The following TTC23L variants were observed in gnomAD, a reference collection of about 807,000 sequenced individuals.
TTC23L encodes tetratricopeptide repeat domain 23 like.
TTC23L carries 42 observed loss-of-function variants against 48.1 expected under a neutral mutation model. That is an observed-to-expected ratio of 0.87 (90% CI 0.68 to 1.13). The LOEUF (loss-of-function observed/expected upper bound fraction) is 1.13, where lower values mean the gene tolerates loss of function less well. Ranked by LOEUF, TTC23L falls within the 50% of genes most tolerant of loss-of-function variation. The probability of loss-of-function intolerance (pLI) is 0.00; values close to 1 mark genes in which losing one functional copy is unlikely to be tolerated. For synonymous variants in TTC23L, 159 were observed against 157.2 expected (o/e 1.01, Z -0.09); for missense variants, 391 against 421.0 (o/e 0.93, Z 0.62).
At chr5:34,840,789 C>T (rs769681264) in intron 2 of TTC23L, 50 bp downstream of exon 2, 2 of 1,556,640 alleles carry the variant, frequency 1.3e-6, no homozygotes, top group Admixed American at 3.3e-5. Flanking sequence ...GGCTGAAACA[C>T]TGGGACCTCC....
chr5:34,873,463 A>G (rs1580461076), intron 8 of TTC23L, among the ~76,000 whole-genome samples: 1 of 152,192 alleles, frequency 6.6e-6, no homozygotes, highest in Admixed American at 6.5e-5. Flanking sequence ...AGGTCGGTCC[A>G]TGAGAATTGC....
At chr5:34,851,559 G>A (rs186332901) in intron 4 of TTC23L, among the ~76,000 whole-genome samples, 82 of 152,262 alleles carry the variant, frequency 5.4e-4, no homozygotes, top group African/African-American at 1.9e-3. Flanking sequence ...TTAAGAACAC[G>A]TGTTGTGTTC....
chr5:34,883,123 A>C (rs1490311082), intron 9 of TTC23L: 3 of 152,406 alleles, frequency 2.0e-5, no homozygotes, highest in African/African-American at 7.2e-5. Flanking sequence ...TTTAGAAAAC[A>C]TGAAGATGTT....
chr5:34,918,186 T>A, the TTC23L span: 1 of 424,628 alleles, frequency 2.4e-6, no homozygotes, highest in Non-Finnish European at 4.3e-6. Context: ...GGCACATGCC[T>A]GTAGTCTCCA....
exon 10 of TTC23L, chr5:34,896,812 TG>T: frequency 1.3e-6 from 1 of 754,312 alleles, no homozygotes; most frequent in South Asian, 1.4e-5. Flanking sequence ...AAGCCATTCC[TG>T]GAAGAAGGAA....
intron 4 of TTC23L, among the ~76,000 whole-genome samples, chr5:34,855,865 A>C (rs1760088577): frequency 6.6e-6 from 1 of 152,214 alleles, no homozygotes; most frequent in African/African-American, 2.4e-5. Flanking sequence ...AGAATGAAAC[A>C]AAAAAAGTTA....
chr5:34,862,906 G>C, exon 5 of TTC23L: 1 of 1,613,882 alleles, frequency 6.2e-7, no homozygotes, highest in Non-Finnish European at 8.5e-7. Flanking sequence ...AGGCCTCCCA[G>C]TTCAGGCCAA....
At chr5:34,844,848 G>A (rs189911336) in intron 2 of TTC23L, among the ~76,000 whole-genome samples, 9 of 152,178 alleles carry the variant, frequency 5.9e-5, no homozygotes, top group South Asian at 2.1e-4. Context: ...TTGATGTAGC[G>A]TGGGGTTCCC....
the TTC23L span, chr5:34,914,694 C>T: frequency 6.2e-7 from 1 of 1,614,160 alleles, no homozygotes; most frequent in South Asian, 1.1e-5. Flanking sequence ...TACTTCCATA[C>T]CTGAATAAAA....
At chr5:34,839,760 G>T (rs549327359) in intron 1 of TTC23L, 469 of 632,554 alleles carry the variant, frequency 7.4e-4, no homozygotes, top group Non-Finnish European at 8.8e-4. Context: ...GTTCGATTTG[G>T]GTTTGATTTA....
intron 4 of TTC23L, among the ~76,000 whole-genome samples, chr5:34,859,840 CTTTTTTTT>C (rs10590697): frequency 4.9e-4 from 47 of 95,352 alleles, no homozygotes; most frequent in African/African-American, 1.4e-3. Context: ...TTTTCTTCTT[CTTTTTTTT>C]TTTTTTTTTT....
the TTC23L span, chr5:34,915,057 A>C: frequency 9.0e-6 from 6 of 667,382 alleles, no homozygotes; most frequent in Non-Finnish European, 1.0e-5. Context: ...GAGGCTGAAC[A>C]CGGCTGACCA....
downstream of TTC23L, among the ~76,000 whole-genome samples, chr5:34,903,886 C>G (rs1405544271): frequency 6.6e-6 from 1 of 152,078 alleles, no homozygotes; most frequent in Non-Finnish European, 1.5e-5. Context: ...TTCCAACAAT[C>G]TCTGTACCAA....
the TTC23L span, chr5:34,914,940 T>A: frequency 1.4e-5 from 22 of 1,601,980 alleles, no homozygotes; most frequent in South Asian, 2.3e-4. Context: ...GGCCAACAAC[T>A]TCTCGGCGGA....
downstream of TTC23L, among the ~76,000 whole-genome samples, chr5:34,902,696 G>A (rs118170719): frequency 1.6e-3 from 246 of 152,164 alleles, 2 homozygotes; most frequent in East Asian, 0.027. Context: ...GGCAGTTGCC[G>A]ACTAACTCCC....
At chr5:34,880,733 G>A in intron 9 of TTC23L, 1 of 308,558 alleles carries the variant, frequency 3.2e-6, no homozygotes, top group Non-Finnish European at 6.3e-6. Context: ...CCGCCTCTTG[G>A]GTTCAAGAGA....
At chr5:34,855,402 G>T (rs1760042752) in intron 4 of TTC23L, among the ~76,000 whole-genome samples, 1 of 152,186 alleles carries the variant, frequency 6.6e-6, no homozygotes, top group African/African-American at 2.4e-5. Flanking sequence ...CTTTTGGCAG[G>T]GTTAATCTAG....
chr5:34,892,750 G>C (rs1028281357), intron 9 of TTC23L, among the ~76,000 whole-genome samples: 3 of 152,200 alleles, frequency 2.0e-5, no homozygotes, highest in Non-Finnish European at 4.4e-5. Flanking sequence ...ATGAACAGAA[G>C]CATAGTGGCG....
At chr5:34,884,461 A>G (rs1164128481) in intron 9 of TTC23L, among the ~76,000 whole-genome samples, 4 of 152,122 alleles carry the variant, frequency 2.6e-5, no homozygotes, top group African/African-American at 9.7e-5. Flanking sequence ...ATATGAACAG[A>G]AGTAGAATTA....
Sources: gnomAD v4.1 joint callset for allele counts (sites outside exome capture counted in the v4.1 genomes callset) on GRCh38, gnomAD v4.1.1 for gene constraint, MANE v1.5 for transcripts, NCBI Gene and HGNC (gene_info 2026-07-23, HGNC 2026-07-21) for gene names.